Variants in ECM2 observed in about 807,000 individuals in gnomAD.
ECM2 encodes the protein extracellular matrix protein 2, female organ and adipocyte specific.
Under a neutral mutation model 67.5 loss-of-function variants are expected in ECM2, and 57 were observed. The observed-to-expected ratio is 0.84, with a 90% CI of 0.68 to 1.05. The LOEUF is 1.05. Ranked by LOEUF, ECM2 falls within the 50% of genes least tolerant of loss-of-function variation. ECM2 has a pLI of 0.00. For synonymous variants in ECM2, 258 were observed against 294.5 expected (o/e 0.88, Z 1.27); for missense variants, 741 against 822.8 (o/e 0.90, Z 1.22).
the ECM2 span, among the ~76,000 whole-genome samples, chr9:92,543,514 A>T: frequency 6.9e-6 from 1 of 145,224 alleles, no homozygotes; most frequent in African/African-American, 2.6e-5. Context: ...TGCATTAGCT[A>T]TTCAGGGTCT....
chr9:92,534,548 GT>G (rs1482146085), intron 1 of ECM2, among the ~76,000 whole-genome samples: 4 of 152,234 alleles, frequency 2.6e-5, no homozygotes, highest in Admixed American at 1.3e-4. Context: ...TATTTCATAG[GT>G]TACTGGAACA....
intron 3 of ECM2, 196 bp downstream of exon 3, chr9:92,517,491 A>G: frequency 1.4e-6 from 1 of 702,454 alleles, no homozygotes; most frequent in Non-Finnish European, 2.3e-6. Flanking sequence ...TAGAACTATA[A>G]AGCCACAGTC....
chr9:92,545,484 C>T, the ECM2 span, among the ~76,000 whole-genome samples: 12 of 152,326 alleles, frequency 7.9e-5, no homozygotes, highest in African/African-American at 2.6e-4. Flanking sequence ...GCTGCCTCCC[C>T]GCGGGGCAGG....
chr9:92,547,965 A>G, the ECM2 span, among the ~76,000 whole-genome samples: 1 of 152,246 alleles, frequency 6.6e-6, no homozygotes, highest in Non-Finnish European at 1.5e-5. Flanking sequence ...CTTATGGGAA[A>G]AAAGAAGTAA....
At chr9:92,555,289 G>A in the ECM2 span, among the ~76,000 whole-genome samples, 34 of 135,470 alleles carry the variant, frequency 2.5e-4, no homozygotes, top group African/African-American at 8.3e-4. Context: ...GTACAATGGC[G>A]TGATCTCAGC....
At chr9:92,554,786 T>C in the ECM2 span, among the ~76,000 whole-genome samples, 2 of 151,358 alleles carry the variant, frequency 1.3e-5, no homozygotes, top group Admixed American at 6.6e-5. Flanking sequence ...TACAGGCGCC[T>C]GCCACTGCGC....
chr9:92,536,911 C>G (rs1849191687), upstream of ECM2, among the ~76,000 whole-genome samples: 1 of 147,784 alleles, frequency 6.8e-6, no homozygotes, highest in Non-Finnish European at 1.5e-5. Context: ...GCTCTGTTGC[C>G]CAGGCTAGAG....
chr9:92,505,541 A>C lies in ECM2; in HGVS notation c.1456T>G (p.Ser486Ala), dbSNP rs1273892892. 1.3e-6 allele frequency: 2 copies of C among 1,596,804 alleles called. No homozygotes were observed. Among genetic ancestry groups the C allele is most frequent in the African/African-American group, 2.7e-5 (2 of 73,696 alleles). The change falls in exon 7 of 10, where the codon TCT (serine) becomes GCT (alanine). Residue 486 changes from serine (S) to alanine (A), a missense_variant. Physicochemically the swap from Ser to Ala is moderately conservative, Grantham distance 99 (BLOSUM62 1). Coordinates refer to ENST00000344604, the MANE Select transcript of ECM2 (RefSeq NM_001393.4). Reference protein sequence around the residue: ...FRIIPQGLPGSIEELYLENNQ... With the variant: ...FRIIPQGLPGAIEELYLENNQ... ...AAAAAATATATTGTTACCTCAATAGAACCAGGAAGACCCTGCGGTATAATT... is the reference window on the plus strand; with the variant it reads ...AAAAAATATATTGTTACCTCAATAGCACCAGGAAGACCCTGCGGTATAATT...
At position 92,503,602 on chromosome 9, in the gene ECM2, T is replaced by A. The variant is rs575500734; in HGVS notation, c.1465-950A>T. Reference sequence around the variant, plus strand: ...TAAGTTTAGTTGGCATTAGAGGGAGTTTTTCACTAAAGGATCTGCATTATA... The same window carrying A: ...TAAGTTTAGTTGGCATTAGAGGGAGATTTTCACTAAAGGATCTGCATTATA... On this transcript the variant is annotated intron_variant, in intron 7 of 9. Coordinates refer to ENST00000344604, the MANE Select transcript of ECM2 (RefSeq NM_001393.4). 4.9e-3 allele frequency among the ~76,000 whole-genome samples: 745 copies of A among 152,034 alleles called. 6 individuals carry two copies. The highest frequency in any genetic ancestry group is 0.017 in the African/African-American group (724 of 41,458).
rs1208065456 is a variant in ECM2 at position 92,502,501 on chromosome 9, G to A, written c.1604+12C>T. Reference sequence around the variant, plus strand: ...ATAGTTCAATAAAATTTAAATTGTAGCATGTACTTACTCTTGATTTATCCA... The same window carrying A: ...ATAGTTCAATAAAATTTAAATTGTAACATGTACTTACTCTTGATTTATCCA... On this transcript the variant is annotated intron_variant, in intron 8 of 9. Coordinates refer to ENST00000344604, the MANE Select transcript of ECM2 (RefSeq NM_001393.4). 1.2e-6 allele frequency: 2 copies of A among 1,610,698 alleles called. No homozygotes were observed. Among genetic ancestry groups the A allele is most frequent in the Non-Finnish European group, 8.5e-7 (1 of 1,178,258 alleles).
chr9:92,552,308 T>G, the ECM2 span, among the ~76,000 whole-genome samples: 20 of 152,116 alleles, frequency 1.3e-4, no homozygotes, highest in East Asian at 3.9e-3. Context: ...TAAACATGCA[T>G]GTCTAAGTAT....
Position 92,509,954 on chromosome 9 carries a change from T to G in ECM2, c.1251A>C (p.Glu417Asp). 6.2e-7 allele frequency: 1 copy of G among 1,611,170 alleles called. No individual in the cohort carries two copies. The highest frequency in any genetic ancestry group is 8.5e-7 in the Non-Finnish European group (1 of 1,179,456). ...QIPSQLPSTLEELKVNENNLQ... is the reference protein window; with the variant it reads ...QIPSQLPSTLDELKVNENNLQ... ...GATTGTTCTCATTGACTTTAAGTTCTTCTAATGTAGATGGCAATTGTGAAG... is the reference window on the plus strand; with the variant it reads ...GATTGTTCTCATTGACTTTAAGTTCGTCTAATGTAGATGGCAATTGTGAAG... Residue 417 changes from glutamate to aspartate, a missense_variant, in exon 6 of 10, where the codon GAA (glutamate) becomes GAC (aspartate). By Grantham distance (45) the Glu-to-Asp change is conservative (BLOSUM62 2). Transcript: ENST00000344604.
Position 92,517,832 on chromosome 9 carries a change from G to T in ECM2, c.336C>A (p.Asn112Lys). 6.2e-7 allele frequency: 1 copy of T among 1,614,178 alleles called. No individual in the cohort carries two copies. Among genetic ancestry groups the T allele is most frequent in the Non-Finnish European group, 8.5e-7 (1 of 1,180,044 alleles). Residue 112 changes from asparagine to lysine, a missense_variant, in exon 3 of 10, where the codon AAC becomes AAA. By Grantham distance (94) the Asn-to-Lys change is moderately conservative. Coordinates refer to ENST00000344604, the MANE Select transcript of ECM2 (RefSeq NM_001393.4). ...HCLVKGITMY[N>K]KAVWSPEPCT... ...AGGGCTCAGGCGACCACACAGCTTT[G>T]TTGTACATGGTTATGCCCTTTACCA...
the ECM2 span, among the ~76,000 whole-genome samples, chr9:92,544,144 C>T: frequency 6.6e-6 from 1 of 150,998 alleles, no homozygotes; most frequent in African/African-American, 2.4e-5. Context: ...AGCTTTTCAT[C>T]GTTAAGCATG....
At chr9:92,501,916 A>G (rs1178079317) in intron 8 of ECM2, among the ~76,000 whole-genome samples, 3 of 152,232 alleles carry the variant, frequency 2.0e-5, no homozygotes, top group African/African-American at 7.2e-5. Context: ...CCAGGAAGAC[A>G]GAGTCTACTT....
intron 4 of ECM2, among the ~76,000 whole-genome samples, 196 bp downstream of exon 4, chr9:92,514,435 C>T (rs554544747): frequency 6.6e-5 from 10 of 152,068 alleles, no homozygotes; most frequent in East Asian, 1.9e-4. Context: ...CCACCACGCC[C>T]GGCTAATTTT....
the ECM2 span, among the ~76,000 whole-genome samples, chr9:92,549,835 C>T: frequency 2.6e-5 from 4 of 152,136 alleles, no homozygotes; most frequent in African/African-American, 9.7e-5. Context: ...GAGCAGTTCT[C>T]TTACTCCCTG....
chr9:92,538,510 GAAGTAACTCTTA>G (rs1849242322), upstream of ECM2, among the ~76,000 whole-genome samples: 1 of 152,134 alleles, frequency 6.6e-6, no homozygotes, highest in African/African-American at 2.4e-5. Context: ...AATCAAAAAA[GAAGTAACTCTTA>G]AAGTAACAGC....
At chr9:92,552,080 C>CATATATGTGATATGATCTATCAT in the ECM2 span, among the ~76,000 whole-genome samples, 3 of 74,694 alleles carry the variant, frequency 4.0e-5, no homozygotes, top group Non-Finnish European at 7.6e-5. Flanking sequence ...ATAGATCTAT[C>CATATATGTGATATGATCTATCAT]ATATATGTGA....
Sources: allele counts gnomAD v4.1 joint callset (sites outside exome capture counted in the v4.1 genomes callset), GRCh38; gene constraint gnomAD v4.1.1; transcripts MANE v1.5; gene names NCBI Gene and HGNC (gene_info 2026-07-23, HGNC 2026-07-21).